EXOC6B: variants seen among roughly 807,000 people sequenced by gnomAD.
EXOC6B encodes SEC15 homolog B.
EXOC6B carries 54 observed loss-of-function variants against 113.5 expected under a neutral mutation model. The ratio of observed to expected loss-of-function variants is 0.48; its 90% CI spans 0.38 to 0.60. EXOC6B has a LOEUF of 0.60. EXOC6B is among the 20% of genes least tolerant of loss of function. The pLI is 0.00. For missense variants in EXOC6B, 797 were observed against 977.5 expected (o/e 0.82, Z 2.46); for synonymous variants, 357 against 339.0 (o/e 1.05, Z -0.58).
chr2:72,203,206 C>T (rs1305378160), intron 20 of EXOC6B, among the ~76,000 whole-genome samples: 5 of 152,138 alleles, frequency 3.3e-5, no homozygotes, highest in Admixed American at 1.3e-4. Context: ...TCTCTTTGTC[C>T]TATCTAAATC....
intron 19 of EXOC6B, among the ~76,000 whole-genome samples, chr2:72,343,464 T>A (rs993545648): frequency 6.6e-6 from 1 of 152,152 alleles, no homozygotes; most frequent in African/African-American, 2.4e-5. Flanking sequence ...ACCACTGTGA[T>A]AATAATACTA....
chr2:72,537,632 C>CA (rs1385969008), intron 8 of EXOC6B, among the ~76,000 whole-genome samples: 3 of 151,932 alleles, frequency 2.0e-5, no homozygotes, highest in African/African-American at 4.8e-5. Context: ...GACCCTTTCT[C>CA]AAAAAATACA....
rs751201848 is a variant in EXOC6B at position 72,559,455 on chromosome 2, G to A, written c.913C>T (p.Leu305=). The part of the protein sequence containing the change: ...VYRCLHIYSV[L]GARETFENYY... ...GGCAGAGCCAGATAAAGACTCACCAGGACAGAATATATATGTAGACATCGA... is the reference window on the plus strand; with the variant it reads ...GGCAGAGCCAGATAAAGACTCACCAAGACAGAATATATATGTAGACATCGA... Residue 305 remains leucine (L), a splice_region_variant and synonymous_variant, in exon 8 of 22, where the codon CTG becomes TTG. Transcript: ENST00000272427. The A allele has an allele frequency of 4.9e-5, 79 of 1,604,358 alleles. No individual in the cohort carries two copies. In the East Asian group the frequency reaches 1.7e-3, roughly 35 times the overall value.
chr2:72,401,539 A>G (rs1483997127), intron 18 of EXOC6B, among the ~76,000 whole-genome samples: 13 of 26,468 alleles, frequency 4.9e-4, no homozygotes, highest in African/African-American at 2.3e-3. Flanking sequence ...ATATATATAT[A>G]TATATGTGTA....
intron 17 of EXOC6B, among the ~76,000 whole-genome samples, chr2:72,468,758 T>G (rs1698216616): frequency 6.6e-6 from 1 of 152,224 alleles, no homozygotes. Flanking sequence ...GATGTTAATT[T>G]TTCAATCCAC....
At chr2:72,181,042 T>C (rs1678051688) in intron 21 of EXOC6B, among the ~76,000 whole-genome samples, 1 of 151,912 alleles carries the variant, frequency 6.6e-6, no homozygotes, top group African/African-American at 2.4e-5. Context: ...ACCCCATCTC[T>C]ACTAAAAATC....
intron 6 of EXOC6B, among the ~76,000 whole-genome samples, chr2:72,651,794 A>T (rs578137767): frequency 5.6e-4 from 85 of 152,230 alleles, no homozygotes; most frequent in African/African-American, 1.9e-3. Flanking sequence ...ACGGGGTTTC[A>T]CTGTGTTATC....
At chr2:72,385,010 T>C (rs1026877151) in intron 18 of EXOC6B, among the ~76,000 whole-genome samples, 2 of 152,040 alleles carry the variant, frequency 1.3e-5, no homozygotes, top group African/African-American at 4.8e-5. Flanking sequence ...GAATAAATAA[T>C]GCTAAAGTTC....
At chr2:72,713,181 A>T (rs2104697560) in intron 6 of EXOC6B, among the ~76,000 whole-genome samples, 1 of 152,336 alleles carries the variant, frequency 6.6e-6, no homozygotes, top group East Asian at 1.9e-4. Context: ...TATCAAGGAC[A>T]AAGTCCACCC....
intron 5 of EXOC6B, among the ~76,000 whole-genome samples, chr2:72,720,165 C>T (rs1440842706): frequency 1.3e-5 from 2 of 151,510 alleles, no homozygotes. Flanking sequence ...TGAAAATCAA[C>T]AAAAGAATTC....
intron 6 of EXOC6B, among the ~76,000 whole-genome samples, chr2:72,656,600 TA>T (rs1391204633): frequency 6.6e-6 from 1 of 152,150 alleles, no homozygotes; most frequent in Non-Finnish European, 1.5e-5. Flanking sequence ...AAAACACAGC[TA>T]ACCAACAGAC....
intron 13 of EXOC6B, among the ~76,000 whole-genome samples, chr2:72,497,134 G>A (rs1001412063): frequency 2.0e-5 from 3 of 151,404 alleles, no homozygotes; most frequent in East Asian, 1.9e-4. Flanking sequence ...CCACCACATC[G>A]GGCTAATTTT....
intron 8 of EXOC6B, among the ~76,000 whole-genome samples, chr2:72,525,246 T>A (rs1161475357): frequency 6.6e-6 from 1 of 152,222 alleles, no homozygotes; most frequent in Non-Finnish European, 1.5e-5. Context: ...CAAGACAGAG[T>A]GTTAATTTAT....
chr2:72,495,371 G>A, intron 15 of EXOC6B, 59 bp downstream of exon 15: 3 of 945,096 alleles, frequency 3.2e-6, no homozygotes, highest in Admixed American at 6.2e-5. Flanking sequence ...TTCAGAATAT[G>A]TAAATACATG....
Position 72,508,477 on chromosome 2 carries a change from A to C in EXOC6B, c.1167+4655T>G, listed in dbSNP as rs576947310. Among the ~76,000 whole-genome samples the C allele has an allele frequency of 2.6e-4, 40 of 152,276 alleles. No homozygotes were observed. The South Asian group carries it at 8.3e-3, about 32-fold the overall frequency. On this transcript the variant is annotated intron_variant, in intron 11 of 21. Coordinates refer to ENST00000272427, the MANE Select transcript of EXOC6B (RefSeq NM_015189.3). ...ATTTAAGAGGATACACATATCTTAT[A>C]AAAAATTAAGCCGGCCGGGCATAGT...
intron 20 of EXOC6B, among the ~76,000 whole-genome samples, chr2:72,315,576 A>T (rs911181603): frequency 6.6e-6 from 1 of 152,140 alleles, no homozygotes; most frequent in Admixed American, 6.5e-5. Context: ...ATACTTAATT[A>T]TTTGAATCAT....
At chr2:72,510,858 A>T (rs904344819) in intron 11 of EXOC6B, among the ~76,000 whole-genome samples, 1 of 151,996 alleles carries the variant, frequency 6.6e-6, no homozygotes, top group Non-Finnish European at 1.5e-5. Flanking sequence ...AAAAAATGAG[A>T]TCCTTAATCA....
intron 6 of EXOC6B, among the ~76,000 whole-genome samples, chr2:72,628,347 T>C (rs2104247691): frequency 6.6e-6 from 1 of 152,108 alleles, no homozygotes; most frequent in East Asian, 1.9e-4. Context: ...CATACTGGTC[T>C]CGAACTCCTG....
intron 1 of EXOC6B, among the ~76,000 whole-genome samples, chr2:72,814,334 T>C (rs538235571): frequency 4.3e-4 from 65 of 152,342 alleles, no homozygotes; most frequent in African/African-American, 1.5e-3. Flanking sequence ...TAAAAGAAGT[T>C]CGTTATTGTT....
Sources: gnomAD v4.1 joint callset for allele counts (sites outside exome capture counted in the v4.1 genomes callset) on GRCh38, gnomAD v4.1.1 for gene constraint, MANE v1.5 for transcripts, NCBI Gene and HGNC (gene_info 2026-07-23, HGNC 2026-07-21) for gene names.